Variants in RBFOX1 observed in about 807,000 individuals in gnomAD.
RBFOX1 encodes the protein RNA binding protein fox-1 homolog 1.
A neutral mutation model predicts 57.7 loss-of-function variants in RBFOX1; 8 were observed. The observed-to-expected ratio is 0.14, with a 90% CI of 0.08 to 0.25. The LOEUF is 0.25. RBFOX1 is among the 10% of genes least tolerant of loss of function. The probability of loss-of-function intolerance (pLI) is 1.00; values close to 1 mark genes in which losing one functional copy is unlikely to be tolerated. For synonymous variants in RBFOX1, 326 were observed against 222.4 expected (o/e 1.47, Z -4.15); for missense variants, 611 against 548.5 (o/e 1.11, Z -1.14).
chr16:6,286,313 A>G (rs372809340), intron 1 of RBFOX1, among the ~76,000 whole-genome samples: 2 of 152,184 alleles, frequency 1.3e-5, no homozygotes, highest in African/African-American at 4.8e-5. Flanking sequence ...TGAGAAATGC[A>G]GTGTCGATAA....
At chr16:6,177,272 G>A (rs1253064467) in intron 1 of RBFOX1, among the ~76,000 whole-genome samples, 1 of 149,886 alleles carries the variant, frequency 6.7e-6, no homozygotes, top group Non-Finnish European at 1.5e-5. Flanking sequence ...AAAATAAATA[G>A]CTTTTTCTTT....
rs1162909654 is a variant in RBFOX1 at position 6,256,426 on chromosome 16, C to G, written c.-126-60569C>G. On this transcript the variant is annotated intron_variant, in intron 1 of 15. Coordinates refer to ENST00000550418, the MANE Select transcript of RBFOX1 (RefSeq NM_018723.4). The stretch of plus-strand genomic sequence containing the variant: ...GCCCAAGGTCACCTGGAACCCCTGA[C>G]CCTTCGAGAGCAGAGTTCATCCTTG... Among the ~76,000 whole-genome samples the G allele has an allele frequency of 2.0e-5, 3 of 150,738 alleles. No individual in the cohort carries two copies. In the East Asian group the frequency reaches 5.9e-4, roughly 30 times the overall value.
intron 4 of RBFOX1, among the ~76,000 whole-genome samples, chr16:7,365,002 A>C (rs191696677): frequency 1.5e-5 from 2 of 137,120 alleles, no homozygotes; most frequent in Non-Finnish European, 1.7e-5. Context: ...TGGGGAATCT[A>C]TCTGTCTGTC....
chr16:7,615,805 C>T (rs563899931), intron 10 of RBFOX1, among the ~76,000 whole-genome samples: 8 of 152,112 alleles, frequency 5.3e-5, no homozygotes, highest in Admixed American at 2.0e-4. Flanking sequence ...CCCTGCAATG[C>T]ACAAGACATT....
chr16:6,334,350 T>C lies in RBFOX1; in HGVS notation c.-64+17293T>C, dbSNP rs570160183. Reference sequence around the variant, plus strand: ...TGGTGAAACCCCATCTCTACTAAAATACAAAGAATTAGCCAGGCATGTTGG... The same window carrying C: ...TGGTGAAACCCCATCTCTACTAAAACACAAAGAATTAGCCAGGCATGTTGG... On this transcript the variant is annotated intron_variant, in intron 2 of 15. Coordinates refer to ENST00000550418, the MANE Select transcript of RBFOX1 (RefSeq NM_018723.4). Among the ~76,000 whole-genome samples, 8 of 151,812 alleles carry C rather than the reference T, an allele frequency of 5.3e-5. No homozygotes were observed. In the East Asian group the frequency reaches 1.6e-3, roughly 30 times the overall value.
chr16:7,526,039 A>G (rs1039782430), intron 5 of RBFOX1, among the ~76,000 whole-genome samples: 14 of 152,168 alleles, frequency 9.2e-5, no homozygotes, highest in Admixed American at 8.5e-4. Context: ...ATGAGTGAGC[A>G]TTACCACTTT....
In RBFOX1 at chr16:5,817,755, C is replaced by A. The variant is rs1346921694; in HGVS notation, c.319-49548C>A. 3.4e-5 allele frequency among the ~76,000 whole-genome samples: 5 copies of A among 148,478 alleles called. No homozygotes were observed. The South Asian group carries it at 1.1e-3, about 32-fold the overall frequency. ...TGTCACCCAGGCTGGAGTACAGTGG[C>A]GCAGTCTGGGCTCACTGCAGCTCCG... On this transcript the variant is annotated intron_variant, in intron 3 of 19. Transcript: ENST00000641259.
chr16:6,662,745 C>T (rs2098709347), intron 3 of RBFOX1, among the ~76,000 whole-genome samples: 1 of 152,196 alleles, frequency 6.6e-6, no homozygotes, highest in South Asian at 2.1e-4. Flanking sequence ...GCAATTCTGG[C>T]ATCTGGCTAT....
At chr16:7,474,206 G>A (rs571817008) in intron 4 of RBFOX1, among the ~76,000 whole-genome samples, 1 of 152,274 alleles carries the variant, frequency 6.6e-6, no homozygotes, top group African/African-American at 2.4e-5. Flanking sequence ...AGAGTCGCTT[G>A]AACATGGGAG....
intron 3 of RBFOX1, among the ~76,000 whole-genome samples, chr16:6,736,921 G>A (rs1421954781): frequency 6.6e-6 from 1 of 152,166 alleles, no homozygotes; most frequent in Non-Finnish European, 1.5e-5. Context: ...GTGCTGTGAT[G>A]GATTGGTGAT....
At chr16:7,432,236 G>C (rs2098687857) in intron 4 of RBFOX1, among the ~76,000 whole-genome samples, 1 of 152,220 alleles carries the variant, frequency 6.6e-6, no homozygotes, top group East Asian at 1.9e-4. Flanking sequence ...TGTCTTAAAG[G>C]TAGGATGAGT....
intron 2 of RBFOX1, among the ~76,000 whole-genome samples, chr16:6,572,720 G>A (rs537910004): frequency 6.6e-6 from 1 of 152,146 alleles, no homozygotes; most frequent in Admixed American, 6.5e-5. Flanking sequence ...AGCCTCCCGA[G>A]TAGCTAGAAT....
At chr16:6,378,037 G>T (rs1174327508) in intron 2 of RBFOX1, among the ~76,000 whole-genome samples, 3 of 152,154 alleles carry the variant, frequency 2.0e-5, no homozygotes, top group Non-Finnish European at 4.4e-5. Flanking sequence ...TGCGTCCTCT[G>T]GTCTTCTAGC....
At chr16:6,117,710 C>T (rs1276602169) in intron 1 of RBFOX1, among the ~76,000 whole-genome samples, 4 of 152,232 alleles carry the variant, frequency 2.6e-5, no homozygotes, top group Admixed American at 2.6e-4. Context: ...AAATACGTTT[C>T]TGTTCTTTAT....
At chr16:6,382,090 T>G (rs2091869127) in intron 2 of RBFOX1, among the ~76,000 whole-genome samples, 2 of 152,246 alleles carry the variant, frequency 1.3e-5, no homozygotes, top group Non-Finnish European at 2.9e-5. Flanking sequence ...CAGATGGGTG[T>G]GGCTGTGTTC....
At chr16:5,590,916 A>G (rs928946332) in intron 2 of RBFOX1, among the ~76,000 whole-genome samples, 24 of 151,998 alleles carry the variant, frequency 1.6e-4, no homozygotes, top group African/African-American at 5.8e-4. Flanking sequence ...CCATTAAGGT[A>G]TTACCCCAAT....
At chr16:7,371,160 C>G (rs1357870984) in intron 4 of RBFOX1, among the ~76,000 whole-genome samples, 1 of 152,178 alleles carries the variant, frequency 6.6e-6, no homozygotes, top group Non-Finnish European at 1.5e-5. Context: ...CTTCTCCCTC[C>G]CAAACTGGCC....
chr16:7,130,072 G>A (rs191682600), intron 4 of RBFOX1, among the ~76,000 whole-genome samples: 12 of 142,834 alleles, frequency 8.4e-5, no homozygotes, highest in Admixed American at 2.2e-4. Context: ...TAGCTCTGTC[G>A]CCCAGGCTGG....
chr16:7,624,607 C>T (rs564808372), intron 10 of RBFOX1, among the ~76,000 whole-genome samples: 14 of 152,300 alleles, frequency 9.2e-5, no homozygotes, highest in African/African-American at 3.4e-4. Context: ...TGATAATACT[C>T]ACTACATCAT....
Sources: gnomAD v4.1 joint callset for allele counts (sites outside exome capture counted in the v4.1 genomes callset) on GRCh38, gnomAD v4.1.1 for gene constraint, MANE v1.5 for transcripts, NCBI Gene and HGNC (gene_info 2026-07-23, HGNC 2026-07-21) for gene names.